EFCAB11: variants seen among roughly 807,000 people sequenced by gnomAD.
EFCAB11 encodes EF-hand calcium binding domain 11.
A neutral mutation model predicts 23.0 loss-of-function variants in EFCAB11; 14 were observed. That is an observed-to-expected ratio of 0.61 (90% CI 0.40 to 0.95). The LOEUF is 0.95. Ranked by LOEUF, EFCAB11 falls within the 40% of genes least tolerant of loss-of-function variation. The pLI is 0.00. For synonymous variants in EFCAB11, 65 were observed against 66.6 expected (o/e 0.98, Z 0.11); for missense variants, 198 against 195.8 (o/e 1.01, Z -0.07).
In EFCAB11 at chr14:89,920,489, C is replaced by T. The variant is rs187564948; in HGVS notation, c.410+11052G>A. Among the ~76,000 whole-genome samples the T allele has an allele frequency of 5.3e-5, 8 of 152,296 alleles. No homozygotes were observed. In the East Asian group the frequency reaches 9.7e-4, roughly 18 times the overall value. On this transcript the variant is annotated intron_variant, in intron 5 of 5. Transcript: ENST00000316738. ...CATAAGCTGGAAAGGCAGCCTCCTT[C>T]GGTTTGAATCTTGGTTCCATCAGTC...
rs561893261 is a variant in EFCAB11 at position 89,813,625 on chromosome 14, C to G, written c.411-16301G>C. Reference sequence around the variant, plus strand: ...TACTTCAGCCAGATCTCCTCCCAACCGTCCACCTCCCACCCCCTGCCCCAC... The same window carrying G: ...TACTTCAGCCAGATCTCCTCCCAACGGTCCACCTCCCACCCCCTGCCCCAC... On this transcript the variant is annotated intron_variant, in intron 5 of 5. Coordinates refer to ENST00000316738, the MANE Select transcript of EFCAB11 (RefSeq NM_145231.4). 4.6e-5 allele frequency among the ~76,000 whole-genome samples: 7 copies of G among 152,194 alleles called. 1 individual carries two copies. The highest frequency in any genetic ancestry group is 1.7e-4 in the African/African-American group (7 of 41,516).
chr14:89,799,471 C>T (rs1466491811), intron 5 of EFCAB11: 1 of 152,086 alleles, frequency 6.6e-6, no homozygotes, highest in Non-Finnish European at 1.5e-5. Flanking sequence ...ATCACTGTGA[C>T]AGAGAAGATG....
At chr14:89,932,734 T>C in intron 3 of EFCAB11, 107 bp from the exon 4 acceptor site, 1 of 931,778 alleles carries the variant, frequency 1.1e-6, no homozygotes, top group Non-Finnish European at 1.6e-6. Flanking sequence ...TCAAATTTTA[T>C]CTTAATTTTG....
intron 3 of EFCAB11, among the ~76,000 whole-genome samples, chr14:89,942,816 TTACTC>T (rs1281890673): frequency 1.3e-5 from 2 of 152,214 alleles, no homozygotes; most frequent in Non-Finnish European, 2.9e-5. Context: ...TCCAGATACT[TTACTC>T]TTATTTCTAC....
intron 5 of EFCAB11, among the ~76,000 whole-genome samples, chr14:89,892,698 T>C (rs1889013480): frequency 6.6e-6 from 1 of 152,094 alleles, no homozygotes; most frequent in South Asian, 2.1e-4. Flanking sequence ...GGTCAGGAGT[T>C]CGAGACCAGC....
At chr14:89,814,342 T>G (rs1437559206) in intron 5 of EFCAB11, among the ~76,000 whole-genome samples, 1 of 152,156 alleles carries the variant, frequency 6.6e-6, no homozygotes, top group African/African-American at 2.4e-5. Flanking sequence ...CTGCCCACCA[T>G]GCTTCCAGAG....
intron 5 of EFCAB11, among the ~76,000 whole-genome samples, chr14:89,836,219 G>C (rs998433132): frequency 2.0e-5 from 3 of 151,828 alleles, no homozygotes; most frequent in Non-Finnish European, 4.4e-5. Flanking sequence ...ACTCAGGACA[G>C]AGGCGACCCT....
Position 89,899,352 on chromosome 14 carries a change from A to G in EFCAB11, c.410+32189T>C, listed in dbSNP as rs147921957. 6.6e-5 allele frequency among the ~76,000 whole-genome samples: 10 copies of G among 152,358 alleles called. No individual in the cohort carries two copies. In the East Asian group the frequency reaches 1.7e-3, roughly 26 times the overall value. Reference sequence around the variant, plus strand: ...GCAACTGTTCAAAGTGAGTATTGCAATAGGCAGAAAATCACCAGGGAGACC... The same window carrying G: ...GCAACTGTTCAAAGTGAGTATTGCAGTAGGCAGAAAATCACCAGGGAGACC... On this transcript the variant is annotated intron_variant, in intron 5 of 5. Transcript: ENST00000316738.
intron 5 of EFCAB11, among the ~76,000 whole-genome samples, chr14:89,855,146 T>C (rs1409899288): frequency 6.6e-6 from 1 of 152,072 alleles, no homozygotes; most frequent in Non-Finnish European, 1.5e-5. Flanking sequence ...CAAAAGTTCT[T>C]TTGTAGCCTG....
At chr14:89,886,486 C>CCAGCCTGA (rs1476847943) in intron 5 of EFCAB11, among the ~76,000 whole-genome samples, 3 of 139,252 alleles carry the variant, frequency 2.2e-5, no homozygotes, top group African/African-American at 8.3e-5. Flanking sequence ...CCACTGCACT[C>CCAGCCTGA]CAGCCTGAGC....
chr14:89,812,029 T>C (rs1487807076), intron 5 of EFCAB11, among the ~76,000 whole-genome samples: 1 of 152,180 alleles, frequency 6.6e-6, no homozygotes, highest in Non-Finnish European at 1.5e-5. Flanking sequence ...TGTTATCATA[T>C]ATAAAAAGAA....
At chr14:89,882,923 T>A (rs1888646428) in intron 5 of EFCAB11, among the ~76,000 whole-genome samples, 1 of 152,122 alleles carries the variant, frequency 6.6e-6, no homozygotes, top group Non-Finnish European at 1.5e-5. Flanking sequence ...CTCTTGGGGT[T>A]GAGGGTGAGT....
intron 5 of EFCAB11, among the ~76,000 whole-genome samples, chr14:89,821,368 C>CA (rs1886512270): frequency 6.6e-6 from 1 of 152,156 alleles, no homozygotes; most frequent in African/African-American, 2.4e-5. Context: ...TGCCAGCCCC[C>CA]ACAATCCTGC....
intron 5 of EFCAB11, among the ~76,000 whole-genome samples, chr14:89,853,483 T>G (rs1232385125): frequency 6.6e-6 from 1 of 152,162 alleles, no homozygotes; most frequent in Non-Finnish European, 1.5e-5. Flanking sequence ...TCATTCTCAT[T>G]TCATGCACCA....
chr14:89,852,079 C>A (rs577096753), intron 5 of EFCAB11, among the ~76,000 whole-genome samples: 117 of 152,294 alleles, frequency 7.7e-4, no homozygotes, highest in Middle Eastern at 3.4e-3. Context: ...AGTTGTGCTT[C>A]CAACACATCA....
chr14:89,808,106 C>G (rs1265417802), intron 5 of EFCAB11, among the ~76,000 whole-genome samples: 1 of 152,178 alleles, frequency 6.6e-6, no homozygotes, highest in Non-Finnish European at 1.5e-5. Flanking sequence ...TTACTTCCCT[C>G]TCTTCCGGGG....
intron 3 of EFCAB11, among the ~76,000 whole-genome samples, chr14:89,933,725 T>TG (rs1163866238): frequency 6.6e-6 from 1 of 152,146 alleles, no homozygotes; most frequent in African/African-American, 2.4e-5. Context: ...ACTGATCTGG[T>TG]GGGGAAGGCA....
chr14:89,937,246 C>T (rs898654601), intron 3 of EFCAB11, among the ~76,000 whole-genome samples: 3 of 151,978 alleles, frequency 2.0e-5, no homozygotes, highest in African/African-American at 7.3e-5. Context: ...AAAGATTCTT[C>T]TTTATATGAA....
intron 5 of EFCAB11, among the ~76,000 whole-genome samples, chr14:89,924,865 G>A (rs955509931): frequency 1.3e-5 from 2 of 152,210 alleles, no homozygotes. Context: ...CAGGGTATTT[G>A]GAATAAGTGG....
Sources: gnomAD v4.1 joint callset for allele counts (sites outside exome capture counted in the v4.1 genomes callset) on GRCh38, gnomAD v4.1.1 for gene constraint, MANE v1.5 for transcripts, NCBI Gene and HGNC (gene_info 2026-07-23, HGNC 2026-07-21) for gene names.